The following TNFSF11 variants were observed in gnomAD, a reference collection of about 807,000 sequenced individuals.
TNFSF11 encodes tumor necrosis factor ligand superfamily member 11.
Under a neutral mutation model 32.2 loss-of-function variants are expected in TNFSF11, and 12 were observed. The ratio of observed to expected loss-of-function variants is 0.37; its 90% confidence interval spans 0.24 to 0.60. The LOEUF is 0.60. Among genes scored for constraint, TNFSF11 ranks in the 20% least tolerant of loss-of-function variants. The pLI is 0.66. For synonymous variants in TNFSF11, 172 were observed against 152.1 expected (o/e 1.13, Z -0.96); for missense variants, 345 against 398.0 (o/e 0.87, Z 1.13).
Position 42,599,800 on chromosome 13 carries a change from C to T in TNFSF11, c.388-952C>T, listed in dbSNP as rs929544953. ...GGCCCAGCTGATCTTGAACTCCTGA[C>T]CTCAAGTGATCCGCCCATGCCAGCC... is the stretch of plus-strand genomic sequence containing the variant. On this transcript the variant is annotated intron_variant, in intron 2 of 4. Transcript: ENST00000398795. Among the ~76,000 whole-genome samples, 3 of 152,120 alleles carry T rather than the reference C, an allele frequency of 2.0e-5. No individual in the cohort carries two copies. The South Asian group carries it at 6.2e-4, about 32-fold the overall frequency.
chr13:42,565,225 TATATA>T (rs770476365), intron 1 of TNFSF11, among the ~76,000 whole-genome samples: 4 of 105,032 alleles, frequency 3.8e-5, no homozygotes, highest in African/African-American at 9.6e-5. Context: ...TATATATATA[TATATA>T]TTTTTTTCTT....
At chr13:42,580,239 C>T (rs2137864124) in intron 1 of TNFSF11, among the ~76,000 whole-genome samples, 1 of 152,260 alleles carries the variant, frequency 6.6e-6, no homozygotes, top group South Asian at 2.1e-4. Context: ...CAGTTGAAAC[C>T]ACCACAAAGG....
intron 2 of TNFSF11, among the ~76,000 whole-genome samples, chr13:42,583,435 A>AG (rs1057058325): frequency 2.7e-5 from 2 of 74,170 alleles, no homozygotes; most frequent in Admixed American, 1.3e-4. Context: ...AAAAAAAAAA[A>AG]AAAGAAAGGA....
At chr13:42,589,042 C>T (rs553461723) in intron 2 of TNFSF11, among the ~76,000 whole-genome samples, 2 of 152,216 alleles carry the variant, frequency 1.3e-5, no homozygotes, top group East Asian at 1.9e-4. Flanking sequence ...GTAGCGGCGG[C>T]GGTGGTGGTG....
At chr13:42,565,260 G>T (rs1019837539) in intron 1 of TNFSF11, among the ~76,000 whole-genome samples, 1 of 149,048 alleles carries the variant, frequency 6.7e-6, no homozygotes, top group Non-Finnish European at 1.5e-5. Context: ...TGGTGGCTTT[G>T]TCTAGTTGTT....
intron 2 of TNFSF11, among the ~76,000 whole-genome samples, chr13:42,568,666 C>T (rs1401123085): frequency 6.6e-6 from 1 of 152,038 alleles, no homozygotes; most frequent in Non-Finnish European, 1.5e-5. Flanking sequence ...GACCGGAGAT[C>T]AGAAGACGCG....
chr13:42,594,310 G>A (rs1868665872), intron 2 of TNFSF11, among the ~76,000 whole-genome samples: 1 of 151,908 alleles, frequency 6.6e-6, no homozygotes, highest in African/African-American at 2.4e-5. Flanking sequence ...TTGAACTCCT[G>A]GCCTGAGGTT....
intron 2 of TNFSF11, among the ~76,000 whole-genome samples, chr13:42,587,785 T>C (rs943526792): frequency 5.3e-5 from 8 of 152,246 alleles, no homozygotes; most frequent in African/African-American, 1.9e-4. Context: ...CAGATCCCCT[T>C]GGATTGCAAT....
At chr13:42,601,073 A>C in intron 4 of TNFSF11, 92 bp downstream of exon 4, 2 of 1,408,300 alleles carry the variant, frequency 1.4e-6, no homozygotes, top group Non-Finnish European at 2.0e-6. Context: ...TCTGTCACTG[A>C]ATTTTTGAGA....
chr13:42,591,387 A>C (rs1868464733), intron 2 of TNFSF11, among the ~76,000 whole-genome samples: 1 of 151,400 alleles, frequency 6.6e-6, no homozygotes. Context: ...CCACCTCATG[A>C]TTTTTCCCCT....
chr13:42,563,675 A>G (rs1594452680), intron 1 of TNFSF11, among the ~76,000 whole-genome samples: 2 of 152,106 alleles, frequency 1.3e-5, no homozygotes, highest in Admixed American at 6.5e-5. Context: ...AAAAAAAAAA[A>G]AAAAGGAAGA....
At chr13:42,600,146 CT>C (rs1453566082) in intron 2 of TNFSF11, among the ~76,000 whole-genome samples, 1 of 151,992 alleles carries the variant, frequency 6.6e-6, no homozygotes, top group African/African-American at 2.4e-5. Flanking sequence ...TATGTTTTTT[CT>C]TTTTTCTGGC....
At chr13:42,588,748 G>C (rs1051786340) in intron 2 of TNFSF11, among the ~76,000 whole-genome samples, 1 of 152,178 alleles carries the variant, frequency 6.6e-6, no homozygotes, top group Non-Finnish European at 1.5e-5. Context: ...GGTGGACTCT[G>C]TGATTTCTTC....
chr13:42,606,444 G>C lies in TNFSF11; in HGVS notation c.533-53G>C, dbSNP rs550493548. 5.6e-6 allele frequency: 9 copies of C among 1,606,896 alleles called. No homozygotes were observed. In the East Asian group the frequency reaches 1.3e-4, roughly 24 times the overall value. Reference sequence around the variant, plus strand: ...CCTAACCTCATAGAATTGTGAAGACGTCCTTCTCATTTAAGGACTGACTTT... The same window carrying C: ...CCTAACCTCATAGAATTGTGAAGACCTCCTTCTCATTTAAGGACTGACTTT... On this transcript the variant is annotated intron_variant, in intron 4 of 4. Transcript: ENST00000398795.
At chr13:42,600,482 T>G (rs1869108311) in intron 2 of TNFSF11, among the ~76,000 whole-genome samples, 1 of 152,254 alleles carries the variant, frequency 6.6e-6, no homozygotes. Flanking sequence ...CGCCATGGTT[T>G]ATAATCTACA....
At chr13:42,580,975 A>G (rs543824052) in intron 1 of TNFSF11, 151 bp from the exon 2 acceptor site, 2 of 787,720 alleles carry the variant, frequency 2.5e-6, no homozygotes, top group African/African-American at 3.5e-5. Flanking sequence ...CAACGTTTTC[A>G]CCATCTTGAG....
intron 4 of TNFSF11, among the ~76,000 whole-genome samples, chr13:42,606,107 T>G (rs929059533): frequency 6.6e-6 from 1 of 152,228 alleles, no homozygotes; most frequent in East Asian, 1.9e-4. Flanking sequence ...TAGCAGCAAC[T>G]CCACAAAGGC....
At chr13:42,581,093 C>A (rs778586808) in intron 1 of TNFSF11, 33 bp from the exon 2 acceptor site, 1 of 1,611,192 alleles carries the variant, frequency 6.2e-7, no homozygotes, top group East Asian at 2.2e-5. Flanking sequence ...TAGTGATAAG[C>A]ACTCTAACGT....
At chr13:42,576,886 CG>C (rs1873343733) in intron 1 of TNFSF11, among the ~76,000 whole-genome samples, 1 of 152,220 alleles carries the variant, frequency 6.6e-6, no homozygotes, top group Admixed American at 6.5e-5. Flanking sequence ...AGCGCTGATG[CG>C]TGCCTAGGGG....
Sources: allele counts gnomAD v4.1 joint callset (sites outside exome capture counted in the v4.1 genomes callset), GRCh38; gene constraint gnomAD v4.1.1; transcripts MANE v1.5; gene names NCBI Gene and HGNC (gene_info 2026-07-23, HGNC 2026-07-21).